The following TXNRD2 variants were observed in gnomAD, a reference collection of about 807,000 sequenced individuals.
TXNRD2 encodes the protein thioredoxin reductase 2, also known as thioredoxin reductase 2, mitochondrial.
Under a neutral mutation model 70.8 loss-of-function variants are expected in TXNRD2, and 67 were observed. The observed-to-expected ratio is 0.95, with a 90% CI of 0.78 to 1.16. TXNRD2 has a LOEUF of 1.16. Ranked by LOEUF, TXNRD2 falls within the 50% of genes most tolerant of loss-of-function variation. The pLI, the probability that TXNRD2 is intolerant of heterozygous loss-of-function variation, is 0.00. For missense variants in TXNRD2, 644 were observed against 719.9 expected (o/e 0.89, Z 1.21); for synonymous variants, 301 against 295.8 (o/e 1.02, Z -0.18).
chr22:19,880,133 T>C (rs1938696776), intron 14 of TXNRD2, 46 bp downstream of exon 14: 1 of 1,588,666 alleles, frequency 6.3e-7, no homozygotes, highest in African/African-American at 1.3e-5. Context: ...TGGGGTGAGG[T>C]CGTGGAGTCG....
rs375056374 is a variant in TXNRD2, at chr22:19,895,560, C to T, written c.796G>A (p.Glu266Lys). Residue 266 changes from glutamate to lysine, a missense_variant, in exon 11 of 18, where the codon GAG becomes AAG. Physicochemically the swap from Glu to Lys is moderately conservative, Grantham distance 56. Transcript: ENST00000400521. The stretch of plus-strand genomic sequence containing the variant: ...CGGGTGCCATGAGATGCCATGTGCT[C>T]TATGACCATGGAGGACATTTGCTGC... The part of the protein sequence containing the change: ...FDQQMSSMVI[E>K]HMASHGTRFL... 6 of 1,612,476 alleles carry T rather than the reference C, an allele frequency of 3.7e-6. No individual in the cohort carries two copies. In the East Asian group the frequency reaches 1.3e-4, roughly 36 times the overall value.
intron 1 of TXNRD2, among the ~76,000 whole-genome samples, chr22:19,936,942 G>A (rs1476430249): frequency 2.0e-5 from 3 of 152,150 alleles, no homozygotes; most frequent in Non-Finnish European, 2.9e-5. Flanking sequence ...TGCTCAAGGG[G>A]TACAAGTGTG....
intron 8 of TXNRD2, among the ~76,000 whole-genome samples, chr22:19,899,923 G>C (rs895914063): frequency 6.6e-6 from 1 of 152,214 alleles, no homozygotes; most frequent in Non-Finnish European, 1.5e-5. Flanking sequence ...GCAGCTGCAC[G>C]TGGGTGGGCT....
chr22:19,926,133 A>T (rs1393967960), intron 2 of TXNRD2, among the ~76,000 whole-genome samples: 1 of 150,086 alleles, frequency 6.7e-6, no homozygotes, highest in East Asian at 1.9e-4. Flanking sequence ...ATGGTACTCC[A>T]GCCTGGGCAA....
rs1940400573 is a variant in TXNRD2 at position 19,911,348 on chromosome 22, GGACCCCACCAA to G, written c.662+18_662+28del. On this transcript the variant is annotated intron_variant, in intron 8 of 17. Transcript: ENST00000400521. Reference sequence around the variant, plus strand: ...GTGCTCACTCTGGTGAACAAAAAGAGGACCCCACCAAGCACGCGCAGGCCTTACGTTTTTCC... The same window carrying G: ...GTGCTCACTCTGGTGAACAAAAAGAGGCACGCGCAGGCCTTACGTTTTTCC... The G allele has an allele frequency of 6.3e-7, 1 of 1,586,712 alleles. No homozygotes were observed. The highest frequency in any genetic ancestry group is 1.7e-5 in the Admixed American group (1 of 59,956).
At chr22:19,890,549 T>C (rs1359956193) in intron 11 of TXNRD2, among the ~76,000 whole-genome samples, 1 of 151,886 alleles carries the variant, frequency 6.6e-6, no homozygotes, top group Non-Finnish European at 1.5e-5. Flanking sequence ...CTGAGAGCAG[T>C]CCTGATGGGC....
intron 9 of TXNRD2, 130 bp downstream of exon 9, chr22:19,898,919 C>A (rs190286012): frequency 1.7e-6 from 2 of 1,176,364 alleles, no homozygotes; most frequent in Non-Finnish European, 2.4e-6. Flanking sequence ...AGATCCTCCA[C>A]GCCGAGAGGC....
At chr22:19,879,062 A>G (rs913500322) in intron 14 of TXNRD2, among the ~76,000 whole-genome samples, 1 of 152,248 alleles carries the variant, frequency 6.6e-6, no homozygotes, top group Non-Finnish European at 1.5e-5. Flanking sequence ...AAAGAAAACA[A>G]ACAGAGTATT....
At chr22:19,915,100 G>A (rs1940574164) in intron 7 of TXNRD2, 114 bp downstream of exon 7, 2 of 948,932 alleles carry the variant, frequency 2.1e-6, no homozygotes, top group South Asian at 1.4e-5. Context: ...GTGAGTATAG[G>A]GGGAAAGGGT....
intron 10 of TXNRD2, among the ~76,000 whole-genome samples, chr22:19,896,270 C>T (rs1379838174): frequency 6.6e-6 from 1 of 151,854 alleles, no homozygotes; most frequent in Non-Finnish European, 1.5e-5. Flanking sequence ...TGCACTCCAG[C>T]CTGGGTGACA....
At chr22:19,894,969 C>CAAA (rs35599379) in intron 11 of TXNRD2, 389 of 1,271,696 alleles carry the variant, frequency 3.1e-4, no homozygotes, top group East Asian at 9.2e-4. Flanking sequence ...GACTCCATCT[C>CAAA]AAAAAAAAAA....
chr22:19,895,898 G>A (rs982997848), intron 10 of TXNRD2, among the ~76,000 whole-genome samples: 6 of 152,242 alleles, frequency 3.9e-5, no homozygotes, highest in African/African-American at 1.4e-4. Context: ...TTGGGAGGCT[G>A]AAGTGGGAGA....
intron 8 of TXNRD2, among the ~76,000 whole-genome samples, chr22:19,900,196 T>C (rs1376288234): frequency 6.6e-6 from 1 of 152,188 alleles, no homozygotes; most frequent in Non-Finnish European, 1.5e-5. Flanking sequence ...GGTGGTTACA[T>C]GCCTCACTCA....
chr22:19,892,268 C>T (rs1049385958), intron 11 of TXNRD2, among the ~76,000 whole-genome samples: 2 of 152,252 alleles, frequency 1.3e-5, no homozygotes, highest in South Asian at 2.1e-4. Context: ...AGAAAACGCT[C>T]GCAGTTGCTG....
rs570562534 is a variant in TXNRD2, at chr22:19,900,473, A to G, written c.663-1405T>C. On this transcript the variant is annotated intron_variant, in intron 8 of 17. Coordinates refer to ENST00000400521, the MANE Select transcript of TXNRD2 (RefSeq NM_006440.5). ...TTGTTTAAGATATGAAGTTATGGCC[A>G]GGTGCGGTGGCTCACGCCTGTAATC... Among the ~76,000 whole-genome samples the G allele has an allele frequency of 5.7e-4, 87 of 152,350 alleles. No homozygotes were observed. The Middle Eastern group carries it at 0.01, about 18-fold the overall frequency.
Position 19,919,615 on chromosome 22 carries a change from G to T in TXNRD2, c.173-16C>A. The T allele has an allele frequency of 1.3e-6, 2 of 1,553,754 alleles. No individual in the cohort carries two copies. The highest frequency in any genetic ancestry group is 1.7e-6 in the Non-Finnish European group (2 of 1,149,588). The stretch of plus-strand genomic sequence containing the variant: ...AGCTGGGCGGCTGGAAGGATAAGGA[G>T]AGCAGCAGGTGAGCATGGGGAGCTG... On this transcript the variant is annotated splice_polypyrimidine_tract_variant and intron_variant, in intron 2 of 17. Coordinates refer to ENST00000400521, the MANE Select transcript of TXNRD2 (RefSeq NM_006440.5).
chr22:19,882,152 G>A (rs757194833), intron 12 of TXNRD2, among the ~76,000 whole-genome samples: 3 of 152,108 alleles, frequency 2.0e-5, no homozygotes, highest in South Asian at 2.1e-4. Flanking sequence ...CCCGAGGGAC[G>A]CCTGGGGCAT....
At position 19,923,968 on chromosome 22, in the gene TXNRD2, AT is replaced by A. The variant is rs575338380; in HGVS notation, c.173-4370del. ...ACTGCAGGCCATTCAGGTAGACTTG[AT>A]TTTTTTTTTAATTTAAAAAAAGGCT... is the stretch of plus-strand genomic sequence containing the variant. On this transcript the variant is annotated intron_variant, in intron 2 of 17. Coordinates refer to ENST00000400521, the MANE Select transcript of TXNRD2 (RefSeq NM_006440.5). 6.6e-3 allele frequency among the ~76,000 whole-genome samples: 934 copies of A among 140,668 alleles called. 7 individuals carry two copies. The highest frequency in any genetic ancestry group is 0.022 in the African/African-American group (824 of 37,916). The allele number at this position is 140,668 out of a possible 152,430, so 92.3% of individuals were successfully genotyped here. A position where few individuals can be genotyped will look rare whatever the true frequency, so the allele number is the denominator to read the frequency against.
chr22:19,894,923 G>A, intron 11 of TXNRD2: 1 of 1,246,254 alleles, frequency 8.0e-7, no homozygotes, highest in African/African-American at 1.6e-5. Context: ...GGGAGGCGGA[G>A]GTTGCCACTG....
Sources: allele counts gnomAD v4.1 joint callset (sites outside exome capture counted in the v4.1 genomes callset), GRCh38; gene constraint gnomAD v4.1.1; transcripts MANE v1.5; gene names NCBI Gene and HGNC (gene_info 2026-07-23, HGNC 2026-07-21).